The following FHIT variants were observed in gnomAD, a reference collection of about 807,000 sequenced individuals.
FHIT encodes fragile histidine triad diadenosine triphosphatase, also known as bis(5'-adenosyl)-triphosphatase.
A neutral mutation model predicts 17.9 loss-of-function variants in FHIT; 19 were observed. The ratio of observed to expected loss-of-function variants is 1.06; its 90% CI spans 0.74 to 1.56. FHIT has a LOEUF of 1.56. FHIT is among the 40% of genes most tolerant of loss of function. The pLI, the probability that FHIT is intolerant of heterozygous loss-of-function variation, is 0.00. For missense variants in FHIT, 248 were observed against 189.2 expected, an observed-to-expected ratio of 1.31 and a Z score of -1.82; for synonymous variants, 81 against 69.7, an observed-to-expected ratio of 1.16 and a Z score of -0.81.
intron 5 of FHIT, among the ~76,000 whole-genome samples, chr3:60,451,891 G>A (rs943406890): frequency 6.6e-6 from 1 of 152,070 alleles, no homozygotes; most frequent in Admixed American, 6.6e-5. Context: ...ATGACTTAAA[G>A]ATACAATCCT....
intron 8 of FHIT, among the ~76,000 whole-genome samples, chr3:59,878,929 T>C (rs1703283326): frequency 6.6e-6 from 1 of 152,110 alleles, no homozygotes; most frequent in African/African-American, 2.4e-5. Flanking sequence ...ATACTGTGAT[T>C]AAACCCAAGC....
chr3:60,594,097 A>G, intron 4 of FHIT, among the ~76,000 whole-genome samples: 1 of 152,264 alleles, frequency 6.6e-6, no homozygotes, highest in Non-Finnish European at 1.5e-5. Context: ...ATGTTTCCAG[A>G]AAAGTTAACA....
At chr3:61,167,418 A>T (rs1306374239) in intron 2 of FHIT, among the ~76,000 whole-genome samples, 3 of 151,506 alleles carry the variant, frequency 2.0e-5, no homozygotes, top group Admixed American at 2.0e-4. Context: ...GGGCAGATCA[A>T]TTGAGGTCAG....
intron 5 of FHIT, among the ~76,000 whole-genome samples, chr3:60,115,362 T>C (rs1576131383): frequency 1.3e-5 from 2 of 152,180 alleles, no homozygotes; most frequent in South Asian, 2.1e-4. Flanking sequence ...GCATGAGTAG[T>C]TCACAGAATA....
intron 4 of FHIT, among the ~76,000 whole-genome samples, chr3:60,720,687 C>T (rs782231619): frequency 6.6e-6 from 1 of 152,140 alleles, no homozygotes; most frequent in Non-Finnish European, 1.5e-5. Flanking sequence ...TAAAACTCTA[C>T]AGGAGATTCT....
intron 3 of FHIT, among the ~76,000 whole-genome samples, chr3:60,906,459 T>C (rs1323323226): frequency 6.6e-6 from 1 of 152,220 alleles, no homozygotes; most frequent in Non-Finnish European, 1.5e-5. Context: ...CTAGCGGCAA[T>C]GGCACCCCAG....
At chr3:59,760,097 A>G (rs1701429703) in intron 8 of FHIT, among the ~76,000 whole-genome samples, 1 of 152,168 alleles carries the variant, frequency 6.6e-6, no homozygotes, top group Non-Finnish European at 1.5e-5. Flanking sequence ...TAATCAATGG[A>G]GCATTAATCA....
At chr3:61,244,570 TC>T (rs1261736506) in intron 1 of FHIT, among the ~76,000 whole-genome samples, 1 of 152,106 alleles carries the variant, frequency 6.6e-6, no homozygotes, top group Non-Finnish European at 1.5e-5. Context: ...TCTCTGACCT[TC>T]CTTCTGCCCT....
At chr3:60,357,537 G>T (rs886487977) in intron 5 of FHIT, among the ~76,000 whole-genome samples, 1 of 151,998 alleles carries the variant, frequency 6.6e-6, no homozygotes, top group Admixed American at 6.6e-5. Flanking sequence ...GAGCCACCAC[G>T]CCCGGCCCAA....
intron 5 of FHIT, chr3:60,077,448 G>T (rs531148724): frequency 6.6e-6 from 1 of 151,880 alleles, no homozygotes; most frequent in Non-Finnish European, 1.5e-5. Context: ...CCTTGGAGAA[G>T]TGGTTGGCTC....
At chr3:60,959,626 A>T (rs147205937) in intron 3 of FHIT, among the ~76,000 whole-genome samples, 1 of 152,082 alleles carries the variant, frequency 6.6e-6, no homozygotes, top group African/African-American at 2.4e-5. Context: ...ATCTGAAGAG[A>T]GAAAATGAAG....
intron 8 of FHIT, among the ~76,000 whole-genome samples, chr3:59,767,426 G>T (rs1701858054): frequency 6.6e-6 from 1 of 152,136 alleles, no homozygotes; most frequent in Non-Finnish European, 1.5e-5. Context: ...TTGAACCCGG[G>T]AGGTGAATGT....
At chr3:60,985,101 A>G (rs2107565181) in intron 3 of FHIT, among the ~76,000 whole-genome samples, 1 of 152,214 alleles carries the variant, frequency 6.6e-6, no homozygotes, top group Admixed American at 6.5e-5. Context: ...ATCACTACAG[A>G]ACGTAATCCA....
At chr3:60,652,329 G>A (rs2040009453) in intron 4 of FHIT, among the ~76,000 whole-genome samples, 1 of 152,150 alleles carries the variant, frequency 6.6e-6, no homozygotes, top group Non-Finnish European at 1.5e-5. Flanking sequence ...GGCCAGGCGT[G>A]GTAGTTCACG....
chr3:60,330,404 G>A (rs544139116), intron 5 of FHIT, among the ~76,000 whole-genome samples: 3 of 152,268 alleles, frequency 2.0e-5, no homozygotes, highest in Admixed American at 1.3e-4. Flanking sequence ...ATCCAGCAGA[G>A]TCTTACTGCC....
chr3:60,659,406 A>G (rs1553690498), intron 4 of FHIT, among the ~76,000 whole-genome samples: 3 of 151,904 alleles, frequency 2.0e-5, no homozygotes, highest in Non-Finnish European at 4.4e-5. Flanking sequence ...AACTCTCACA[A>G]TGGGTATGTT....
intron 5 of FHIT, among the ~76,000 whole-genome samples, chr3:60,083,811 CAAAT>C (rs1233631088): frequency 6.6e-6 from 1 of 152,118 alleles, no homozygotes; most frequent in African/African-American, 2.4e-5. Context: ...TTTACAAAAA[CAAAT>C]AGTGGGCCAA....
intron 4 of FHIT, among the ~76,000 whole-genome samples, chr3:60,740,581 T>C (rs1485020012): frequency 6.6e-6 from 1 of 152,210 alleles, no homozygotes; most frequent in African/African-American, 2.4e-5. Context: ...CAATCATCTT[T>C]AAGTCTACAG....
At chr3:59,924,453 A>C (rs1705556059) in intron 7 of FHIT, among the ~76,000 whole-genome samples, 1 of 152,190 alleles carries the variant, frequency 6.6e-6, no homozygotes, top group Admixed American at 6.5e-5. Context: ...CTTGTCTCAC[A>C]AAGTCTATGT....
Sources: gnomAD v4.1 joint callset for allele counts (sites outside exome capture counted in the v4.1 genomes callset) on GRCh38, gnomAD v4.1.1 for gene constraint, MANE v1.5 for transcripts, NCBI Gene and HGNC (gene_info 2026-07-23, HGNC 2026-07-21) for gene names.